BRINP2: variants seen among roughly 807,000 people sequenced by gnomAD.
The protein encoded by BRINP2 is BMP/retinoic acid inducible neural specific 2, also known as BMP/retinoic acid-inducible neural-specific protein 2.
In BRINP2, 21 loss-of-function variants were observed where a neutral mutation model predicts 69.2. That is an observed-to-expected ratio of 0.30 (90% confidence interval 0.22 to 0.44). The LOEUF is 0.44. BRINP2 is among the 20% of genes least tolerant of loss of function. The pLI, the probability that BRINP2 is intolerant of heterozygous loss-of-function variation, is 1.00. For synonymous variants in BRINP2, 380 were observed against 394.1 expected (o/e 0.96, Z 0.42); for missense variants, 877 against 986.0 (o/e 0.89, Z 1.48).
At chr1:177,260,891 G>A (rs1030766785) in intron 4 of BRINP2, among the ~76,000 whole-genome samples, 4 of 152,138 alleles carry the variant, frequency 2.6e-5, no homozygotes, top group Admixed American at 6.5e-5. Flanking sequence ...TATTACAGTG[G>A]TCTAAAGCTG....
At chr1:177,213,257 G>C (rs944615904) in intron 1 of BRINP2, among the ~76,000 whole-genome samples, 3 of 152,102 alleles carry the variant, frequency 2.0e-5, no homozygotes, top group Admixed American at 6.5e-5. Flanking sequence ...GACATTTGGG[G>C]TCACGGAATT....
intron 7 of BRINP2, 106 bp downstream of exon 7, chr1:177,278,891 T>G: frequency 9.3e-7 from 1 of 1,075,744 alleles, no homozygotes. Flanking sequence ...GAGTGGTGAC[T>G]CACACATAGC....
At chr1:177,179,572 C>T (rs902856658) in intron 1 of BRINP2, among the ~76,000 whole-genome samples, 7 of 151,966 alleles carry the variant, frequency 4.6e-5, no homozygotes, top group Non-Finnish European at 1.0e-4. Context: ...GCATGGCACA[C>T]ACACACTCTT....
intron 4 of BRINP2, among the ~76,000 whole-genome samples, chr1:177,265,151 C>A (rs1482524892): frequency 6.6e-6 from 1 of 152,118 alleles, no homozygotes; most frequent in Non-Finnish European, 1.5e-5. Flanking sequence ...AATAAAGCCA[C>A]TCATCTACAA....
intron 1 of BRINP2, among the ~76,000 whole-genome samples, chr1:177,194,602 A>G (rs1043610593): frequency 6.6e-6 from 1 of 152,154 alleles, no homozygotes; most frequent in African/African-American, 2.4e-5. Flanking sequence ...AGTGTATCAA[A>G]TCTCCTTCTA....
In BRINP2 at chr1:177,272,814, C is replaced by T. The variant is rs181495749; in HGVS notation, c.670-674C>T. Among the ~76,000 whole-genome samples the T allele has an allele frequency of 4.0e-3, 607 of 152,268 alleles. 5 individuals carry two copies. The highest frequency in any genetic ancestry group is 0.017 in the Middle Eastern group (5 of 294). On this transcript the variant is annotated intron_variant, in intron 4 of 7. Transcript: ENST00000361539. ...ATTATTTTAGTGCATTTAAAGCTTC[C>T]CATTTTTCATCTTATACTTTAAACA...
chr1:177,241,935 T>C (rs1650218541), intron 2 of BRINP2, among the ~76,000 whole-genome samples: 1 of 152,216 alleles, frequency 6.6e-6, no homozygotes, highest in South Asian at 2.1e-4. Context: ...CTCATCCAAG[T>C]TCAAAGGATT....
chr1:177,213,616 G>A (rs1649289966), intron 1 of BRINP2, among the ~76,000 whole-genome samples: 1 of 152,176 alleles, frequency 6.6e-6, no homozygotes, highest in South Asian at 2.1e-4. Context: ...TAATTAATCT[G>A]TTTTGATTCA....
chr1:177,252,617 C>T (rs1012369348), intron 2 of BRINP2, among the ~76,000 whole-genome samples: 1 of 152,114 alleles, frequency 6.6e-6, no homozygotes, highest in African/African-American at 2.4e-5. Context: ...TTAAAATCTA[C>T]AGTACATTAT....
At chr1:177,173,069 A>G (rs907424074) in intron 1 of BRINP2, among the ~76,000 whole-genome samples, 1 of 152,198 alleles carries the variant, frequency 6.6e-6, no homozygotes, top group African/African-American at 2.4e-5. Context: ...ATCAGGCAAC[A>G]GCAAAGTGAT....
At chr1:177,201,178 T>G (rs983051899) in intron 1 of BRINP2, among the ~76,000 whole-genome samples, 1 of 152,034 alleles carries the variant, frequency 6.6e-6, no homozygotes, top group Non-Finnish European at 1.5e-5. Flanking sequence ...CCCCCAAAAC[T>G]ATTGAAATAA....
At chr1:177,247,668 G>C (rs986891057) in intron 2 of BRINP2, among the ~76,000 whole-genome samples, 1 of 152,352 alleles carries the variant, frequency 6.6e-6, no homozygotes, top group Middle Eastern at 3.4e-3. Context: ...AAATAGATCA[G>C]GAGGGCCAAA....
intron 4 of BRINP2, among the ~76,000 whole-genome samples, chr1:177,270,079 G>A (rs1304976510): frequency 1.9e-5 from 2 of 106,032 alleles, no homozygotes; most frequent in Admixed American, 9.1e-5. Context: ...TTGGGGCAAG[G>A]GGTGGGGGGG....
chr1:177,171,440 C>A lies in BRINP2; in HGVS notation c.-369C>A. The stretch of plus-strand genomic sequence containing the variant: ...GGCTGCTCAGCGGGAAGGCAGCAGG[C>A]AAGTGGTCTAACGTTGGCGGCGGTG... On this transcript the variant is annotated 5_prime_UTR_variant, in exon 1 of 8. Transcript: ENST00000361539. The A allele has an allele frequency of 6.3e-6, 1 of 159,420 alleles. No homozygotes were observed. The highest frequency in any genetic ancestry group is 1.4e-5 in the Non-Finnish European group (1 of 72,910). 9.9% of individuals were successfully genotyped at this position (159,420 alleles called of 1,614,324 possible). A position where few individuals can be genotyped will look rare whatever the true frequency, so the allele number is the denominator to read the frequency against.
chr1:177,193,673 C>T (rs12031932), intron 1 of BRINP2, among the ~76,000 whole-genome samples: 18,442 of 152,154 alleles, frequency 0.12, 1,953 homozygotes, highest in African/African-American at 0.28. Flanking sequence ...CTAAAGCGTT[C>T]CTCAGGTAGA....
At chr1:177,172,376 G>C (rs1647961979) in intron 1 of BRINP2, among the ~76,000 whole-genome samples, 1 of 152,178 alleles carries the variant, frequency 6.6e-6, no homozygotes, top group African/African-American at 2.4e-5. Flanking sequence ...GGGATGTGCT[G>C]GTATCATCTA....
Position 177,278,671 on chromosome 1 carries a change from A to T in BRINP2, c.1121A>T (p.Gln374Leu), listed in dbSNP as rs1481679760. The change falls in exon 7 of 8, where the codon CAG becomes CTG. Residue 374 changes from glutamine (Q) to leucine (L), a missense_variant. Gln to Leu is a moderately radical substitution (Grantham distance 113, BLOSUM62 -2). Coordinates refer to ENST00000361539, the MANE Select transcript of BRINP2 (RefSeq NM_021165.4). ...ACCAGCCTTCAGCACCGCTACCAGCAGCTGGGAGCTGGCTTGAAAGTGCTG... is the reference window on the plus strand; with the variant it reads ...ACCAGCCTTCAGCACCGCTACCAGCTGCTGGGAGCTGGCTTGAAAGTGCTG... ...MDTSLQHRYQ[Q>L]LGAGLKVLFK... 5.0e-6 allele frequency: 8 copies of T among 1,614,216 alleles called. No individual in the cohort carries two copies. Among genetic ancestry groups the T allele is most frequent in the Non-Finnish European group, 5.1e-6 (6 of 1,180,030 alleles).
At chr1:177,249,471 A>G (rs1474844870) in intron 2 of BRINP2, among the ~76,000 whole-genome samples, 1 of 152,158 alleles carries the variant, frequency 6.6e-6, no homozygotes, top group Non-Finnish European at 1.5e-5. Flanking sequence ...TTCTAAAGAC[A>G]CTTTACATAG....
At chr1:177,180,317 C>T (rs559441205) in intron 1 of BRINP2, among the ~76,000 whole-genome samples, 2 of 152,302 alleles carry the variant, frequency 1.3e-5, no homozygotes, top group Admixed American at 6.5e-5. Flanking sequence ...GGGTGGGTGA[C>T]TTTTGGGTAA....
Sources: allele counts gnomAD v4.1 joint callset (sites outside exome capture counted in the v4.1 genomes callset), GRCh38; gene constraint gnomAD v4.1.1; transcripts MANE v1.5; gene names NCBI Gene and HGNC (gene_info 2026-07-23, HGNC 2026-07-21).